Variants in AFF2 observed in about 807,000 individuals in gnomAD.
AFF2 encodes AF4/FMR2 family member 2.
AFF2 carries 14 observed loss-of-function variants against 76.9 expected under a neutral mutation model. The observed-to-expected ratio is 0.18, with a 90% CI of 0.12 to 0.28. The LOEUF (loss-of-function observed/expected upper bound fraction) is 0.28, where lower values mean the gene tolerates loss of function less well. Ranked by LOEUF, AFF2 falls within the 10% of genes least tolerant of loss-of-function variation. The probability of loss-of-function intolerance (pLI) is 1.00; values close to 1 mark genes in which losing one functional copy is unlikely to be tolerated. For synonymous variants in AFF2, 398 were observed against 366.7 expected (o/e 1.09, Z -0.98); for missense variants, 868 against 1,001.1 (o/e 0.87, Z 1.79).
intron 4 of AFF2, among the ~76,000 whole-genome samples, chrX:148,815,253 T>C (rs1428480779): frequency 1.8e-5 from 2 of 111,984 alleles, no homozygotes; most frequent in African/African-American, 3.2e-5. Context: ...ATAGTGCCCT[T>C]TGCTAATCTG....
intron 8 of AFF2, among the ~76,000 whole-genome samples, chrX:148,887,346 C>T: frequency 9.0e-6 from 1 of 111,443 alleles, no homozygotes; most frequent in Non-Finnish European, 1.9e-5. Context: ...ATTTAATACG[C>T]CAATAGCAGG....
intron 9 of AFF2, among the ~76,000 whole-genome samples, chrX:148,936,986 GT>G (rs1569557245): frequency 1.8e-5 from 2 of 112,340 alleles, no homozygotes; most frequent in Non-Finnish European, 3.8e-5. Flanking sequence ...CAGTAATGCA[GT>G]GCAGGCTCCA....
intron 1 of AFF2, among the ~76,000 whole-genome samples, chrX:148,605,675 G>A (rs2053665523): frequency 8.9e-6 from 1 of 111,822 alleles, no homozygotes; most frequent in Non-Finnish European, 1.9e-5. Context: ...GTGTCAAAAG[G>A]ACAAAGAACA....
chrX:148,880,477 G>A (rs1268898012), intron 7 of AFF2, among the ~76,000 whole-genome samples: 1 of 111,499 alleles, frequency 9.0e-6, no homozygotes, highest in Non-Finnish European at 1.9e-5. Context: ...AGAGGGCTAA[G>A]TTACTATCCT....
intron 9 of AFF2, among the ~76,000 whole-genome samples, chrX:148,909,416 T>C (rs1174526221): frequency 8.9e-6 from 1 of 112,115 alleles, no homozygotes; most frequent in Non-Finnish European, 1.9e-5. Context: ...AATAAACTTA[T>C]TAGTGTATGG....
intron 3 of AFF2, among the ~76,000 whole-genome samples, chrX:148,803,995 T>A (rs1312316258): frequency 1.8e-5 from 2 of 111,479 alleles, no homozygotes; most frequent in African/African-American, 6.5e-5. Flanking sequence ...TTAGCAACAT[T>A]CATAAGATGT....
intron 3 of AFF2, among the ~76,000 whole-genome samples, chrX:148,683,460 A>G (rs1557260102): frequency 8.9e-6 from 1 of 112,114 alleles, no homozygotes; most frequent in African/African-American, 3.2e-5. Context: ...CTAGCTTTGC[A>G]TATTTATGAA....
intron 5 of AFF2, among the ~76,000 whole-genome samples, chrX:148,840,193 C>A (rs1477436403): frequency 2.7e-5 from 3 of 111,062 alleles, no homozygotes; most frequent in East Asian, 2.8e-4. Flanking sequence ...AGGTAAACAT[C>A]CTCTAGAACA....
intron 4 of AFF2, among the ~76,000 whole-genome samples, chrX:148,835,685 A>G (rs971672788): frequency 7.3e-5 from 8 of 109,354 alleles, no homozygotes; most frequent in Non-Finnish European, 1.9e-5. Context: ...GGGTTTCACT[A>G]TGTTGGCCAG....
At chrX:148,674,127 A>G (rs2054454734) in intron 3 of AFF2, among the ~76,000 whole-genome samples, 1 of 112,346 alleles carries the variant, frequency 8.9e-6, no homozygotes, top group Non-Finnish European at 1.9e-5. Context: ...AAATGAATGG[A>G]TATGGGTGTG....
chrX:148,741,481 C>A (rs1266611385), intron 3 of AFF2, among the ~76,000 whole-genome samples: 1 of 110,900 alleles, frequency 9.0e-6, no homozygotes, highest in Non-Finnish European at 1.9e-5. Context: ...GTCTCACCCC[C>A]ACTGTGCCTC....
At chrX:148,898,984 T>A (rs1430828438) in intron 8 of AFF2, among the ~76,000 whole-genome samples, 1 of 112,118 alleles carries the variant, frequency 8.9e-6, no homozygotes, top group African/African-American at 3.2e-5. Flanking sequence ...TAACATGTTT[T>A]TGCTTCCTAG....
intron 9 of AFF2, among the ~76,000 whole-genome samples, chrX:148,938,895 G>GA (rs1400025627): frequency 1.8e-5 from 2 of 111,026 alleles, no homozygotes; most frequent in East Asian, 2.8e-4. Context: ...GGGATTTGGA[G>GA]AAAAAAAATC....
chrX:148,951,374 G>A (rs934874951), intron 9 of AFF2, among the ~76,000 whole-genome samples: 6 of 111,556 alleles, frequency 5.4e-5, no homozygotes, highest in African/African-American at 2.0e-4. Flanking sequence ...CTAGTAAGTG[G>A]AACTCTATCC....
intron 3 of AFF2, among the ~76,000 whole-genome samples, chrX:148,734,069 G>T (rs2055257644): frequency 8.9e-6 from 1 of 112,217 alleles, no homozygotes; most frequent in Admixed American, 9.4e-5. Flanking sequence ...ACCCAGTGGG[G>T]ACCTTCCAGG....
At chrX:148,855,920 G>A (rs782031932) in intron 7 of AFF2, among the ~76,000 whole-genome samples, 1 of 112,088 alleles carries the variant, frequency 8.9e-6, no homozygotes, top group Non-Finnish European at 1.9e-5. Context: ...TATTAATCAT[G>A]TTCATGATTA....
intron 3 of AFF2, among the ~76,000 whole-genome samples, chrX:148,757,309 T>C (rs1168493698): frequency 9.0e-6 from 1 of 111,687 alleles, no homozygotes; most frequent in Non-Finnish European, 1.9e-5. Context: ...GAAAATGTAG[T>C]ATTTGGTCTT....
At chrX:148,511,320 A>T (rs1288238155) in intron 1 of AFF2, among the ~76,000 whole-genome samples, 6 of 110,871 alleles carry the variant, frequency 5.4e-5, no homozygotes, top group Admixed American at 4.8e-4. Context: ...CAAAGGGGGG[A>T]TAACAGACTT....
chrX:148,864,790 T>G (rs2070887336), intron 7 of AFF2, among the ~76,000 whole-genome samples: 1 of 111,968 alleles, frequency 8.9e-6, no homozygotes, highest in Non-Finnish European at 1.9e-5. Context: ...AACATTGAAT[T>G]TAGCCGCCAT....
Sources: allele counts gnomAD v4.1 joint callset (sites outside exome capture counted in the v4.1 genomes callset), GRCh38; gene constraint gnomAD v4.1.1; transcripts MANE v1.5; gene names NCBI Gene and HGNC (gene_info 2026-07-23, HGNC 2026-07-21).